Variants in DSCAM observed in about 807,000 individuals in gnomAD.
DSCAM encodes the protein DS cell adhesion molecule, also known as cell adhesion molecule DSCAM.
DSCAM carries 47 observed loss-of-function variants against 217.7 expected under a neutral mutation model. That is an observed-to-expected ratio of 0.22 (90% confidence interval 0.17 to 0.28). DSCAM has a LOEUF of 0.28. DSCAM is among the 10% of genes least tolerant of loss of function. The probability of loss-of-function intolerance (pLI) is 1.00; values close to 1 mark genes in which losing one functional copy is unlikely to be tolerated. For missense variants in DSCAM, 2,080 were observed against 2,618.3 expected (o/e 0.79, Z 4.49); for synonymous variants, 1,056 against 1,015.3 (o/e 1.04, Z -0.76).
chr21:40,540,673 A>G (rs1011158826), intron 3 of DSCAM, among the ~76,000 whole-genome samples: 4 of 152,150 alleles, frequency 2.6e-5, no homozygotes, highest in Non-Finnish European at 5.9e-5. Flanking sequence ...TGCTTAGGCT[A>G]CTGGGTCCCG....
At chr21:40,042,181 A>T (rs1004176898) in intron 32 of DSCAM, among the ~76,000 whole-genome samples, 190 bp downstream of exon 32, 2 of 152,130 alleles carry the variant, frequency 1.3e-5, no homozygotes, top group African/African-American at 4.8e-5. Flanking sequence ...CAAATTTCAG[A>T]TTCATAAACA....
At chr21:40,115,987 G>C (rs1350514084) in intron 20 of DSCAM, among the ~76,000 whole-genome samples, 1 of 152,188 alleles carries the variant, frequency 6.6e-6, no homozygotes, top group Non-Finnish European at 1.5e-5. Flanking sequence ...AAAAGAACAA[G>C]ATCATGTCCT....
At chr21:40,643,818 T>C (rs908992022) in intron 3 of DSCAM, among the ~76,000 whole-genome samples, 1 of 152,228 alleles carries the variant, frequency 6.6e-6, no homozygotes, top group South Asian at 2.1e-4. Context: ...TGCAGCTACC[T>C]GCAAGCCAAG....
intron 3 of DSCAM, among the ~76,000 whole-genome samples, chr21:40,566,248 G>A (rs1196442016): frequency 6.6e-6 from 1 of 152,018 alleles, no homozygotes; most frequent in Non-Finnish European, 1.5e-5. Context: ...TGATGCTGGG[G>A]AGTCTCTCTG....
intron 16 of DSCAM, among the ~76,000 whole-genome samples, chr21:40,153,218 C>T (rs756397907): frequency 2.6e-5 from 4 of 152,164 alleles, no homozygotes; most frequent in South Asian, 2.1e-4. Context: ...TTGAACAAAC[C>T]TTAACTGGGC....
At chr21:40,235,207 G>T (rs910225466) in intron 11 of DSCAM, among the ~76,000 whole-genome samples, 3 of 152,128 alleles carry the variant, frequency 2.0e-5, no homozygotes, top group Non-Finnish European at 4.4e-5. Context: ...TATGGTCAGG[G>T]GGCCAGATGG....
chr21:40,748,403 CAT>C (rs2091195811), intron 1 of DSCAM, among the ~76,000 whole-genome samples: 2 of 151,576 alleles, frequency 1.3e-5, no homozygotes, highest in South Asian at 4.2e-4. Flanking sequence ...ATAAAATTAA[CAT>C]ATAAAAATCA....
At chr21:40,118,010 G>T (rs1174423381) in intron 20 of DSCAM, among the ~76,000 whole-genome samples, 4 of 151,928 alleles carry the variant, frequency 2.6e-5, no homozygotes, top group African/African-American at 9.7e-5. Context: ...TATGAGACAT[G>T]GTATTACTTA....
intron 1 of DSCAM, among the ~76,000 whole-genome samples, chr21:40,792,137 CTTTTTTT>C (rs67838146): frequency 6.1e-4 from 72 of 118,602 alleles, no homozygotes; most frequent in African/African-American, 2.3e-3. Flanking sequence ...TCTTCTTCTT[CTTTTTTT>C]TTTTTTTTTT....
chr21:40,413,076 C>A (rs1051838326), intron 3 of DSCAM, among the ~76,000 whole-genome samples: 2 of 152,208 alleles, frequency 1.3e-5, no homozygotes, highest in African/African-American at 2.4e-5. Flanking sequence ...GATTTGGGAA[C>A]CTCCACCTAG....
intron 3 of DSCAM, among the ~76,000 whole-genome samples, chr21:40,659,927 G>C (rs937339783): frequency 9.2e-5 from 14 of 152,342 alleles, no homozygotes; most frequent in African/African-American, 3.1e-4. Flanking sequence ...TCAAGAAATT[G>C]AATGTGAATA....
chr21:40,152,869 C>A (rs1265173758), intron 16 of DSCAM, among the ~76,000 whole-genome samples: 2 of 152,204 alleles, frequency 1.3e-5, no homozygotes, highest in African/African-American at 4.8e-5. Context: ...CCTCATGCCT[C>A]CTGCCCCCTT....
At chr21:40,620,905 C>T (rs149743827) in intron 3 of DSCAM, among the ~76,000 whole-genome samples, 436 of 152,292 alleles carry the variant, frequency 2.9e-3, no homozygotes, top group Non-Finnish European at 4.1e-3. Context: ...CAAGGGAATA[C>T]GACTCAGCGT....
chr21:40,027,319 T>A (rs2146438057), intron 32 of DSCAM, among the ~76,000 whole-genome samples: 1 of 152,370 alleles, frequency 6.6e-6, no homozygotes, highest in East Asian at 1.9e-4. Flanking sequence ...ATTTTTTCCT[T>A]CATTTCAACT....
chr21:40,214,376 TA>T (rs1415982718), intron 11 of DSCAM, among the ~76,000 whole-genome samples: 2 of 152,252 alleles, frequency 1.3e-5, no homozygotes, highest in African/African-American at 4.8e-5. Flanking sequence ...TTTTGGAGCC[TA>T]TAAAGAAAGA....
intron 1 of DSCAM, among the ~76,000 whole-genome samples, chr21:40,739,215 G>A (rs920642866): frequency 6.6e-6 from 1 of 150,802 alleles, no homozygotes; most frequent in Admixed American, 6.6e-5. Context: ...GCGACAAGAG[G>A]ACAATGGCAG....
intron 3 of DSCAM, among the ~76,000 whole-genome samples, chr21:40,668,018 G>T (rs1466212542): frequency 6.6e-6 from 1 of 152,022 alleles, no homozygotes; most frequent in Non-Finnish European, 1.5e-5. Flanking sequence ...TTTTTATCTG[G>T]AAGTAGAAGG....
intron 3 of DSCAM, among the ~76,000 whole-genome samples, chr21:40,458,931 A>G (rs2075784430): frequency 6.6e-6 from 1 of 152,110 alleles, no homozygotes. Context: ...GAACATATAC[A>G]AAAGTTATAT....
chr21:40,521,556 T>C (rs1380861749), intron 3 of DSCAM, among the ~76,000 whole-genome samples: 2 of 139,966 alleles, frequency 1.4e-5, no homozygotes, highest in Admixed American at 1.4e-4. Context: ...TTTGTATATC[T>C]TCTTTTTAAT....
Sources: allele counts gnomAD v4.1 joint callset (sites outside exome capture counted in the v4.1 genomes callset), GRCh38; gene constraint gnomAD v4.1.1; transcripts MANE v1.5; gene names NCBI Gene and HGNC (gene_info 2026-07-23, HGNC 2026-07-21).